The following RFX2 variants were observed in gnomAD, a reference collection of about 807,000 sequenced individuals.
The protein encoded by RFX2 is regulatory factor X2.
Under a neutral mutation model 87.8 loss-of-function variants are expected in RFX2, and 20 were observed. The observed-to-expected ratio is 0.23, with a 90% CI of 0.16 to 0.33. RFX2 has a LOEUF of 0.33. Among genes scored for constraint, RFX2 ranks in the 10% least tolerant of loss-of-function variants. The pLI, the probability that RFX2 is intolerant of heterozygous loss-of-function variation, is 1.00. For missense variants in RFX2, 767 were observed against 1,012.3 expected, an observed-to-expected ratio of 0.76 and a Z score of 3.29; for synonymous variants, 397 against 431.3, an observed-to-expected ratio of 0.92 and a Z score of 0.98.
At chr19:6,100,458 A>C (rs1021250952) in intron 1 of RFX2, among the ~76,000 whole-genome samples, 13 of 152,202 alleles carry the variant, frequency 8.5e-5, no homozygotes, top group African/African-American at 2.7e-4. Flanking sequence ...GCAGGGAGAC[A>C]ATACAGGAAG....
At chr19:6,036,825 A>G (rs905834843) in intron 5 of RFX2, among the ~76,000 whole-genome samples, 5 of 152,222 alleles carry the variant, frequency 3.3e-5, no homozygotes, top group African/African-American at 1.2e-4. Context: ...TAAGACTGGG[A>G]AAAAGGCAAG....
At chr19:6,006,964 C>T (rs1333557514) in intron 12 of RFX2, 48 bp downstream of exon 12, 7 of 1,596,958 alleles carry the variant, frequency 4.4e-6, no homozygotes, top group Non-Finnish European at 6.0e-6. Context: ...ACAGAGGAGG[C>T]AGGAAGAGAG....
chr19:6,089,566 T>A (rs1197421550), intron 1 of RFX2, among the ~76,000 whole-genome samples: 2 of 152,168 alleles, frequency 1.3e-5, no homozygotes, highest in African/African-American at 2.4e-5. Flanking sequence ...GGAATGGGAT[T>A]AGGGTCCTTG....
chr19:6,079,831 A>T (rs1481638582), intron 1 of RFX2, among the ~76,000 whole-genome samples: 1 of 149,566 alleles, frequency 6.7e-6, no homozygotes, highest in Non-Finnish European at 1.5e-5. Context: ...GGTTGCAGTG[A>T]GCTGAGATTG....
rs904710932 is a variant in RFX2 at position 6,045,134 on chromosome 19, G to A, written c.91-852C>T. Among the ~76,000 whole-genome samples, 1 of 152,198 alleles carries A rather than the reference G, an allele frequency of 6.6e-6. No homozygotes were observed. Among genetic ancestry groups the A allele is most frequent in the African/African-American group, 2.4e-5 (1 of 41,438 alleles). On this transcript the variant is annotated intron_variant, in intron 2 of 17. Coordinates refer to ENST00000303657, the MANE Select transcript of RFX2 (RefSeq NM_000635.4). The surrounding 1 kb of genome is among the most constrained non-coding windows in gnomAD (Gnocchi z 5.2). ...GCAGTGACTGCCATATATACATCAC[G>A]AGGGGTGATGGGTGAGGACACGCCA...
intron 1 of RFX2, among the ~76,000 whole-genome samples, chr19:6,070,494 G>T (rs899172742): frequency 6.6e-6 from 1 of 151,982 alleles, no homozygotes; most frequent in Non-Finnish European, 1.5e-5. Context: ...CAGGGTGGAC[G>T]GGCTTGAAGC....
At chr19:6,065,532 A>G (rs1393890378) in intron 1 of RFX2, among the ~76,000 whole-genome samples, 1 of 152,098 alleles carries the variant, frequency 6.6e-6, no homozygotes, top group Non-Finnish European at 1.5e-5. Context: ...CTGTAGTCCC[A>G]GCTACTCGGG....
intron 1 of RFX2, among the ~76,000 whole-genome samples, chr19:6,082,073 C>T (rs1385365686): frequency 5.9e-5 from 9 of 151,820 alleles, no homozygotes; most frequent in East Asian, 1.9e-4. Flanking sequence ...CTAGCCTAGG[C>T]GACAGAGTGA....
chr19:6,065,350 T>G (rs2087493834), intron 1 of RFX2, among the ~76,000 whole-genome samples: 1 of 152,134 alleles, frequency 6.6e-6, no homozygotes, highest in Non-Finnish European at 1.5e-5. Context: ...TCAGCTTGCC[T>G]TTTTAAGAAA....
chr19:6,045,708 G>C lies in RFX2; in HGVS notation c.91-1426C>G, dbSNP rs1408587435. On this transcript the variant is annotated intron_variant, in intron 2 of 17. Transcript: ENST00000303657. The surrounding 1 kb of genome is among the most constrained non-coding windows in gnomAD (Gnocchi z 5.2). The stretch of plus-strand genomic sequence containing the variant: ...TTTTTTGGGACGGATTTTTGCTCTT[G>C]TCGCCCAGGCTGAAGTGCGATGGCA... Among the ~76,000 whole-genome samples the C allele has an allele frequency of 6.6e-6, 1 of 150,834 alleles. No homozygotes were observed. The highest frequency in any genetic ancestry group is 1.5e-5 in the Non-Finnish European group (1 of 68,008).
chr19:6,023,920 C>T lies in RFX2; in HGVS notation c.597+2243G>A, dbSNP rs189134463. On this transcript the variant is annotated intron_variant, in intron 6 of 17. Coordinates refer to ENST00000303657, the MANE Select transcript of RFX2 (RefSeq NM_000635.4). The surrounding 1 kb of genome is among the most constrained non-coding windows in gnomAD (Gnocchi z 4.9). ...TCAGCCTCCAGAGTAGCTGGGACTA[C>T]AGGCATGTGCCACCACGCCCGGCTA... Among the ~76,000 whole-genome samples the T allele has an allele frequency of 1.1e-4, 16 of 152,246 alleles. No homozygotes were observed. The East Asian group carries it at 2.9e-3, about 28-fold the overall frequency.
At position 6,040,680 on chromosome 19, in the gene RFX2, GC is replaced by G. The variant is rs2087094728; in HGVS notation, c.261-440del. On this transcript the variant is annotated intron_variant, in intron 4 of 17. Transcript: ENST00000303657. The surrounding 1 kb of genome is among the most constrained non-coding windows in gnomAD (Gnocchi z 6.1). ...AGGCTGAGGTGGGAGGACTGCTTGA[GC>G]CCAGGACTTTGAGGTTACAGTGAGC... Among the ~76,000 whole-genome samples, 3 of 152,276 alleles carry G rather than the reference GC, an allele frequency of 2.0e-5. No homozygotes were observed. The highest frequency in any genetic ancestry group is 1.3e-4 in the Admixed American group (2 of 15,296).
chr19:6,078,708 A>T (rs992306827), intron 1 of RFX2, among the ~76,000 whole-genome samples: 5 of 152,194 alleles, frequency 3.3e-5, no homozygotes, highest in Non-Finnish European at 7.3e-5. Flanking sequence ...CGAAAAGAGA[A>T]ATTTTCATTT....
chr19:6,028,048 T>C (rs966623048), intron 5 of RFX2, among the ~76,000 whole-genome samples: 1 of 152,200 alleles, frequency 6.6e-6, no homozygotes, highest in Non-Finnish European at 1.5e-5. Flanking sequence ...AGGCATAAGC[T>C]ACCACACCCT....
rs150133898 is a variant in RFX2, at chr19:6,077,700, G to A, written c.-8-30196C>T. 1.6e-4 allele frequency among the ~76,000 whole-genome samples: 25 copies of A among 152,276 alleles called. 1 individual carries two copies. The highest frequency in any genetic ancestry group is 8.8e-5 in the Non-Finnish European group (6 of 68,026). On this transcript the variant is annotated intron_variant, in intron 1 of 17. Transcript: ENST00000303657. ...AACTGATGGATGGATAAACGAAGGCGGCCGGGCGCGGTGGCTCACACCTGT... is the reference window on the plus strand; with the variant it reads ...AACTGATGGATGGATAAACGAAGGCAGCCGGGCGCGGTGGCTCACACCTGT...
At chr19:6,018,509 G>A (rs1478240764) in intron 6 of RFX2, among the ~76,000 whole-genome samples, 2 of 152,204 alleles carry the variant, frequency 1.3e-5, no homozygotes, top group Non-Finnish European at 2.9e-5. Context: ...GGTGTGTGGG[G>A]CCTGAACGCG....
Position 5,994,858 on chromosome 19 carries a change from TG to T in RFX2, c.2148del (p.Asn717ThrfsTer40). On this transcript the variant is annotated frameshift_variant, in exon 18 of 18. Coordinates refer to ENST00000303657, the MANE Select transcript of RFX2 (RefSeq NM_000635.4). LOFTEE classifies it high-confidence loss of function. ...EPLVKRERSDPNHSLQGI is the reference protein window; with the variant it reads ...EPLVKRERSDXNHSLQGI ...TGCTAGATGCCCTGCAGGGAGTGGTTGGGGTCACTGCGCTCCCGCTTTACCA... is the reference window on the plus strand; with the variant it reads ...TGCTAGATGCCCTGCAGGGAGTGGTTGGGTCACTGCGCTCCCGCTTTACCA... 6.2e-7 allele frequency: 1 copy of T among 1,610,166 alleles called. No homozygotes were observed.
At chr19:6,072,866 A>G (rs2087629426) in intron 1 of RFX2, 3 of 1,309,728 alleles carry the variant, frequency 2.3e-6, no homozygotes, top group Non-Finnish European at 2.2e-6. Context: ...ATCGTCAAAA[A>G]GAGAACCAAG....
chr19:6,092,567 T>C (rs997990500), intron 1 of RFX2, among the ~76,000 whole-genome samples: 3 of 152,192 alleles, frequency 2.0e-5, no homozygotes, highest in Admixed American at 1.3e-4. Flanking sequence ...AAGCATGAGC[T>C]TGTGGCTGCG....
Sources: allele counts gnomAD v4.1 joint callset (sites outside exome capture counted in the v4.1 genomes callset), GRCh38; gene constraint gnomAD v4.1.1; non-coding constraint Gnocchi (gnomAD v3.1); transcripts MANE v1.5; gene names NCBI Gene and HGNC (gene_info 2026-07-23, HGNC 2026-07-21).